LRP1-AS: variants seen among roughly 807,000 people sequenced by gnomAD.
LRP1-AS encodes the protein LRP1 antisense RNA.
At chr12:57,145,008 A>G in exon 2 of LRP1-AS, 1 of 1,614,174 alleles carries the variant, frequency 6.2e-7, no homozygotes. Flanking sequence ...ACCTGCAGCC[A>G]GCTATGCACC....
Position 57,146,273 on chromosome 12 carries a change from T to A in LRP1-AS, n.181+1166A>T, listed in dbSNP as rs1324925587. On this transcript the variant is annotated intron_variant and non_coding_transcript_variant, in intron 1 of 1. Transcript: ENST00000555461. Reference sequence around the variant, plus strand: ...TTTCCAAAGAAATGCACCACAGGGCTGAGAGGAAGAATCTGGCCTGTGGTT... The same window carrying A: ...TTTCCAAAGAAATGCACCACAGGGCAGAGAGGAAGAATCTGGCCTGTGGTT... 3.9e-5 allele frequency among the ~76,000 whole-genome samples: 6 copies of A among 152,302 alleles called. No homozygotes were observed. In the East Asian group the frequency reaches 1.2e-3, roughly 29 times the overall value.
At chr12:57,144,910 T>A in exon 2 of LRP1-AS, 1 of 1,522,400 alleles carries the variant, frequency 6.6e-7, no homozygotes, top group South Asian at 1.1e-5. Context: ...TGTCTGATGA[T>A]CACCCACTTC....
chr12:57,147,145 C>T (rs904640623), intron 1 of LRP1-AS, among the ~76,000 whole-genome samples: 3 of 151,752 alleles, frequency 2.0e-5, no homozygotes, highest in African/African-American at 4.8e-5. Context: ...GTCCAGGAGG[C>T]TAGAAGAGTC....
exon 2 of LRP1-AS, chr12:57,144,842 G>C (rs759160951): frequency 1.1e-5 from 10 of 910,508 alleles, no homozygotes; most frequent in Admixed American, 3.6e-5. Flanking sequence ...ATTTCATGCT[G>C]TAATAGATTC....
At chr12:57,145,080 G>A (rs777218055) in exon 2 of LRP1-AS, 11 of 1,613,772 alleles carry the variant, frequency 6.8e-6, no homozygotes, top group African/African-American at 2.7e-5. Flanking sequence ...CCGGATAACC[G>A]CTCCTGCAAG....
chr12:57,147,141 G>A (rs1457779456), intron 1 of LRP1-AS, among the ~76,000 whole-genome samples: 2 of 151,856 alleles, frequency 1.3e-5, no homozygotes, highest in Non-Finnish European at 2.9e-5. Context: ...CAGAGTCCAG[G>A]AGGCTAGAAG....
At chr12:57,145,572 G>A in intron 1 of LRP1-AS, 1 of 1,528,606 alleles carries the variant, frequency 6.5e-7, no homozygotes, top group Non-Finnish European at 8.9e-7. Flanking sequence ...ACAGAGGCCG[G>A]GAGTTACACA....
At chr12:57,144,826 T>C (rs2035366758) in exon 2 of LRP1-AS, 1 of 790,116 alleles carries the variant, frequency 1.3e-6, no homozygotes, top group Admixed American at 2.0e-5. Context: ...GTGTTAAGGT[T>C]TGCACATTTC....
chr12:57,145,501 T>A, intron 1 of LRP1-AS: 1 of 1,610,934 alleles, frequency 6.2e-7, no homozygotes, highest in East Asian at 2.2e-5. Flanking sequence ...GTGAGTCACC[T>A]GCTCTCAGCT....
At chr12:57,144,927 C>T (rs1200142994) in exon 2 of LRP1-AS, 3 of 1,600,202 alleles carry the variant, frequency 1.9e-6, no homozygotes, top group East Asian at 4.5e-5. Context: ...CTTCGTTGCC[C>T]TTGTCACACT....
intron 1 of LRP1-AS, among the ~76,000 whole-genome samples, chr12:57,147,064 A>G (rs1319400102): frequency 1.3e-5 from 2 of 150,782 alleles, no homozygotes; most frequent in Non-Finnish European, 3.0e-5. Flanking sequence ...AGAAGCTGGT[A>G]CCCCTCCCTT....
At chr12:57,147,252 C>T (rs1327136790) in intron 1 of LRP1-AS, among the ~76,000 whole-genome samples, 1 of 152,118 alleles carries the variant, frequency 6.6e-6, no homozygotes, top group Non-Finnish European at 1.5e-5. Context: ...TCCCTGCCGC[C>T]TGAATGTCTG....
chr12:57,145,966 C>T (rs1392142397), intron 1 of LRP1-AS, among the ~76,000 whole-genome samples: 2 of 152,100 alleles, frequency 1.3e-5, no homozygotes, highest in African/African-American at 4.8e-5. Flanking sequence ...CTCTCTGCTG[C>T]CATCGGGGGA....
At chr12:57,146,205 G>A (rs1178254719) in intron 1 of LRP1-AS, among the ~76,000 whole-genome samples, 1 of 131,944 alleles carries the variant, frequency 7.6e-6, no homozygotes, top group Non-Finnish European at 1.7e-5. Flanking sequence ...CTCAGAGGCT[G>A]TTACACCAGC....
chr12:57,144,775 G>T, exon 2 of LRP1-AS: 1 of 612,364 alleles, frequency 1.6e-6, no homozygotes, highest in Non-Finnish European at 2.9e-6. Flanking sequence ...ATATGTACAC[G>T]AGTGTTTCTC....
exon 2 of LRP1-AS, chr12:57,144,926 C>A: frequency 1.3e-6 from 2 of 1,597,786 alleles, no homozygotes; most frequent in Non-Finnish European, 8.6e-7. Context: ...ACTTCGTTGC[C>A]CTTGTCACAC....
At chr12:57,145,384 G>C (rs1218916189) in intron 1 of LRP1-AS, 1 of 1,614,164 alleles carries the variant, frequency 6.2e-7, no homozygotes, top group East Asian at 2.2e-5. Context: ...TATGCTGGGT[G>C]CATGTTGGGG....
At chr12:57,146,038 G>A (rs557230900) in intron 1 of LRP1-AS, among the ~76,000 whole-genome samples, 2 of 152,280 alleles carry the variant, frequency 1.3e-5, no homozygotes, top group African/African-American at 4.8e-5. Context: ...GGAGAGGAGC[G>A]TGAGCCACAT....
chr12:57,146,872 C>G (rs755284358), intron 1 of LRP1-AS: 1 of 152,386 alleles, frequency 6.6e-6, no homozygotes, highest in Non-Finnish European at 1.5e-5. Flanking sequence ...CTGCCCTCCC[C>G]CTGTTCCTTG....
Sources: allele counts gnomAD v4.1 joint callset (sites outside exome capture counted in the v4.1 genomes callset), GRCh38; gene constraint gnomAD v4.1.1; transcripts MANE v1.5; gene names NCBI Gene and HGNC (gene_info 2026-07-23, HGNC 2026-07-21).